The following TASP1 variants were observed in gnomAD, a reference collection of about 807,000 sequenced individuals.
TASP1 encodes the protein taspase 1, also known as threonine aspartase 1.
Under a neutral mutation model 56.6 loss-of-function variants are expected in TASP1, and 16 were observed. That is an observed-to-expected ratio of 0.28 (90% confidence interval 0.19 to 0.43). The LOEUF (loss-of-function observed/expected upper bound fraction) is 0.43. Ranked by LOEUF, TASP1 falls within the 20% of genes least tolerant of loss-of-function variation. The pLI is 1.00. For synonymous variants in TASP1, 179 were observed against 184.2 expected (o/e 0.97, Z 0.23); for missense variants, 393 against 511.6 (o/e 0.77, Z 2.24).
At chr20:13,479,266 A>AT (rs1568855771) in intron 11 of TASP1, among the ~76,000 whole-genome samples, 2 of 152,110 alleles carry the variant, frequency 1.3e-5, no homozygotes, top group African/African-American at 2.4e-5. Context: ...TTATACAAAT[A>AT]TTTTTTTAAA....
intron 4 of TASP1, among the ~76,000 whole-genome samples, chr20:13,595,541 C>A (rs1367180309): frequency 1.3e-5 from 2 of 151,880 alleles, no homozygotes; most frequent in Non-Finnish European, 2.9e-5. Flanking sequence ...ATCTAACAAG[C>A]AAATGGAAAG....
chr20:13,234,191 C>G, the TASP1 span, among the ~76,000 whole-genome samples: 1 of 152,100 alleles, frequency 6.6e-6, no homozygotes, highest in South Asian at 2.1e-4. Flanking sequence ...TGTTTAGCCC[C>G]CACTTATAAG....
intron 8 of TASP1, among the ~76,000 whole-genome samples, chr20:13,534,882 T>C (rs531922324): frequency 6.6e-6 from 1 of 152,264 alleles, no homozygotes; most frequent in East Asian, 1.9e-4. Flanking sequence ...AGACAAACAC[T>C]ACACTACTGG....
At chr20:13,136,414 T>C in the TASP1 span, among the ~76,000 whole-genome samples, 3 of 151,618 alleles carry the variant, frequency 2.0e-5, no homozygotes, top group Non-Finnish European at 2.9e-5. Context: ...CTGGGCAACA[T>C]GGCAAAACCC....
At chr20:13,433,534 A>G (rs951069012) in intron 12 of TASP1, among the ~76,000 whole-genome samples, 5 of 146,806 alleles carry the variant, frequency 3.4e-5, no homozygotes, top group Non-Finnish European at 7.4e-5. Flanking sequence ...AAAAAAAAAA[A>G]AAAAAAATAC....
chr20:13,509,568 T>C (rs894081405), intron 10 of TASP1, among the ~76,000 whole-genome samples: 16 of 152,164 alleles, frequency 1.1e-4, no homozygotes, highest in African/African-American at 3.1e-4. Context: ...ATCTCACGTT[T>C]TTCCATTTGT....
the TASP1 span, among the ~76,000 whole-genome samples, chr20:13,375,883 A>C: frequency 6.6e-6 from 1 of 151,120 alleles, no homozygotes; most frequent in Admixed American, 6.6e-5. Flanking sequence ...TCTTCTTTTA[A>C]GAAGTGTCTG....
chr20:13,371,093 T>C, the TASP1 span, among the ~76,000 whole-genome samples: 1 of 152,282 alleles, frequency 6.6e-6, no homozygotes, highest in African/African-American at 2.4e-5. Context: ...AGTTTGTCAG[T>C]ATTATTGATC....
chr20:13,178,348 G>T, the TASP1 span, among the ~76,000 whole-genome samples: 1 of 152,026 alleles, frequency 6.6e-6, no homozygotes, highest in African/African-American at 2.4e-5. Context: ...CAGTGTGAAG[G>T]TTCCCCAAAA....
the TASP1 span, chr20:13,153,888 C>T: frequency 1.5e-6 from 2 of 1,365,984 alleles, no homozygotes; most frequent in Non-Finnish European, 2.0e-6. Context: ...ACTTCCTCCT[C>T]CCAGCTAGTG....
downstream of TASP1, among the ~76,000 whole-genome samples, chr20:13,389,158 T>C (rs973185345): frequency 6.6e-6 from 1 of 152,258 alleles, no homozygotes; most frequent in African/African-American, 2.4e-5. Flanking sequence ...CTACAATTTT[T>C]CAAAGCAAAG....
chr20:13,114,076 G>T, the TASP1 span, among the ~76,000 whole-genome samples: 1 of 152,196 alleles, frequency 6.6e-6, no homozygotes, highest in South Asian at 2.1e-4. Flanking sequence ...TGGGACAAAG[G>T]CTCAATGTAA....
chr20:13,350,232 A>C, the TASP1 span, among the ~76,000 whole-genome samples: 1 of 152,326 alleles, frequency 6.6e-6, no homozygotes, highest in East Asian at 1.9e-4. Flanking sequence ...TAATGAAAGA[A>C]AGAAGATCTA....
chr20:13,387,429 T>C (rs1341039560), downstream of TASP1, among the ~76,000 whole-genome samples: 1 of 152,134 alleles, frequency 6.6e-6, no homozygotes, highest in East Asian at 1.9e-4. Context: ...CCTCAGGTGA[T>C]CCACCCACCT....
chr20:13,611,413 G>A (rs894153453), intron 4 of TASP1, among the ~76,000 whole-genome samples: 8 of 152,120 alleles, frequency 5.3e-5, no homozygotes, highest in Non-Finnish European at 7.4e-5. Context: ...GATATACTTT[G>A]GTATTAGTTC....
chr20:13,576,537 C>T (rs533702196), intron 6 of TASP1, among the ~76,000 whole-genome samples: 10 of 151,762 alleles, frequency 6.6e-5, no homozygotes, highest in African/African-American at 2.2e-4. Flanking sequence ...GCTTAATTTC[C>T]ATTTACCACA....
the TASP1 span, chr20:13,164,902 C>A: frequency 2.0e-6 from 3 of 1,523,322 alleles, no homozygotes; most frequent in East Asian, 4.6e-5. Flanking sequence ...AAAGACTTTG[C>A]GAGAAAGACC....
At chr20:13,197,597 G>C in the TASP1 span, among the ~76,000 whole-genome samples, 2 of 152,202 alleles carry the variant, frequency 1.3e-5, no homozygotes, top group Non-Finnish European at 2.9e-5. Flanking sequence ...AATACTCAAA[G>C]ACTTTGTCCA....
chr20:13,374,372 G>C, the TASP1 span, among the ~76,000 whole-genome samples: 6 of 148,258 alleles, frequency 4.0e-5, no homozygotes, highest in Non-Finnish European at 8.9e-5. Context: ...TTTTGAGACA[G>C]AGTCTTGCTC....
Sources: allele counts gnomAD v4.1 joint callset (sites outside exome capture counted in the v4.1 genomes callset), GRCh38; gene constraint gnomAD v4.1.1; transcripts MANE v1.5; gene names NCBI Gene and HGNC (gene_info 2026-07-23, HGNC 2026-07-21).